Variants in RAPGEF6 observed in about 807,000 individuals in gnomAD.
RAPGEF6 encodes PDZ domain containing guanine nucleotide exchange factor (GEF) 2.
Under a neutral mutation model 171.4 loss-of-function variants are expected in RAPGEF6, and 56 were observed. The ratio of observed to expected loss-of-function variants is 0.33; its 90% CI spans 0.26 to 0.41. The LOEUF (loss-of-function observed/expected upper bound fraction) is 0.41. RAPGEF6 is among the 10% of genes least tolerant of loss of function. The pLI is 1.00. For missense variants in RAPGEF6, 1,674 were observed against 1,921.4 expected (o/e 0.87, Z 2.41); for synonymous variants, 692 against 650.1 (o/e 1.06, Z -0.98).
At chr5:131,515,470 T>C (rs1411189862) in intron 7 of RAPGEF6, among the ~76,000 whole-genome samples, 1 of 152,124 alleles carries the variant, frequency 6.6e-6, no homozygotes, top group Non-Finnish European at 1.5e-5. Flanking sequence ...TATAATTCAG[T>C]GCAAAAAAAG....
chr5:131,558,213 GT>G (rs1159039665), intron 5 of RAPGEF6, among the ~76,000 whole-genome samples: 1 of 145,422 alleles, frequency 6.9e-6, no homozygotes, highest in Non-Finnish European at 1.5e-5. Context: ...GTATATGCCA[GT>G]TTGGTTTTTT....
rs1751342458 is a variant in RAPGEF6, at chr5:131,425,174, C to CCTCA, written c.*2088_*2091dup. Reference sequence around the variant, plus strand: ...TAAGGTGCAAGTCCAAAACCATAGGCCTCAACACTCTGTGCAAGATATTTA... The same window carrying CCTCA: ...TAAGGTGCAAGTCCAAAACCATAGGCCTCACTCAACACTCTGTGCAAGATATTTA... On this transcript the variant is annotated 3_prime_UTR_variant, in exon 28 of 28. Coordinates refer to ENST00000509018, the MANE Select transcript of RAPGEF6 (RefSeq NM_016340.6). 6.6e-6 allele frequency: 1 copy of CCTCA among 152,238 alleles called. No individual in the cohort carries two copies. The highest frequency in any genetic ancestry group is 1.5e-5 in the Non-Finnish European group (1 of 68,004). The allele number at this position is 152,238 out of a possible 1,614,324, so 9.4% of individuals were successfully genotyped here.
intron 11 of RAPGEF6, among the ~76,000 whole-genome samples, chr5:131,500,765 C>T (rs889353468): frequency 6.6e-6 from 1 of 152,064 alleles, no homozygotes; most frequent in African/African-American, 2.4e-5. Flanking sequence ...CTGAAACTAT[C>T]GCCTTGTCTT....
chr5:131,578,718 G>A (rs920488904), intron 4 of RAPGEF6, among the ~76,000 whole-genome samples: 2 of 152,156 alleles, frequency 1.3e-5, no homozygotes, highest in African/African-American at 4.8e-5. Context: ...CCAGAACCCA[G>A]TCACGCACAT....
intron 5 of RAPGEF6, among the ~76,000 whole-genome samples, chr5:131,555,408 C>T (rs984616): frequency 0.62 from 87,058 of 139,732 alleles, 29,113 homozygotes; most frequent in Non-Finnish European, 0.76. Context: ...TTGGTAAATA[C>T]TTTTAAGAAA....
intron 19 of RAPGEF6, among the ~76,000 whole-genome samples, chr5:131,457,910 ATTGT>A (rs1404991990): frequency 6.6e-5 from 10 of 152,136 alleles, no homozygotes; most frequent in Non-Finnish European, 1.0e-4. Flanking sequence ...AGAAAATTAG[ATTGT>A]TTAACTCAAA....
chr5:131,431,419 T>C, intron 25 of RAPGEF6, 70 bp from the exon 26 acceptor site: 2 of 1,502,914 alleles, frequency 1.3e-6, no homozygotes, highest in Non-Finnish European at 1.8e-6. Context: ...TTCAAGTTAT[T>C]ATTGCCTGTG....
chr5:131,529,725 A>G (rs1759238469), intron 6 of RAPGEF6, among the ~76,000 whole-genome samples: 1 of 152,104 alleles, frequency 6.6e-6, no homozygotes, highest in Non-Finnish European at 1.5e-5. Flanking sequence ...AGCTTGGGCA[A>G]GATGGAGAGA....
chr5:131,581,338 C>A (rs1235727415), intron 4 of RAPGEF6, among the ~76,000 whole-genome samples: 1 of 152,230 alleles, frequency 6.6e-6, no homozygotes, highest in African/African-American at 2.4e-5. Context: ...CACCTGGCTA[C>A]TCTCTAACTG....
chr5:131,592,040 G>A (rs1376766311), intron 4 of RAPGEF6, among the ~76,000 whole-genome samples: 2 of 152,012 alleles, frequency 1.3e-5, no homozygotes, highest in Admixed American at 6.6e-5. Context: ...TATTTTAATA[G>A]AGACGGGGTT....
chr5:131,617,847 T>G (rs1203726198), intron 1 of RAPGEF6, among the ~76,000 whole-genome samples: 36 of 152,250 alleles, frequency 2.4e-4, no homozygotes, highest in Non-Finnish European at 2.9e-5. Context: ...TAAAGCATTT[T>G]GGAGATTTAA....
chr5:131,510,451 A>C lies in RAPGEF6; in HGVS notation c.668T>G (p.Leu223Arg). Residue 223 changes from leucine to arginine, a missense_variant, in exon 8 of 28, where the codon CTT becomes CGT. Transcript: ENST00000509018. Reference protein sequence around the residue: ...SEVGDVDLTRLPEGPVDSEDD... With the variant: ...SEVGDVDLTRRPEGPVDSEDD... ...CTCAGAATCAACAGGTCCTTCTGGA[A>C]GACGTGTCAAATCTACATCTCCTAC... 6.2e-7 allele frequency: 1 copy of C among 1,614,128 alleles called. No individual in the cohort carries two copies. Among genetic ancestry groups the C allele is most frequent in the East Asian group, 2.2e-5 (1 of 44,862 alleles).
chr5:131,612,201 ATTTTTTTTTTTTTT>A (rs35306366), intron 1 of RAPGEF6, among the ~76,000 whole-genome samples: 3 of 83,330 alleles, frequency 3.6e-5, no homozygotes, highest in African/African-American at 1.3e-4. Flanking sequence ...TGCTCAGCTA[ATTTTTTTTTTTTTT>A]TTTTTTTTTT....
intron 16 of RAPGEF6, among the ~76,000 whole-genome samples, chr5:131,475,162 G>A (rs771071245): frequency 1.3e-5 from 2 of 152,204 alleles, no homozygotes; most frequent in African/African-American, 2.4e-5. Context: ...GTGCATAAAT[G>A]AAAACTATAC....
intron 1 of RAPGEF6, among the ~76,000 whole-genome samples, chr5:131,625,588 G>A (rs575999465): frequency 2.0e-5 from 3 of 152,168 alleles, no homozygotes; most frequent in African/African-American, 4.8e-5. Context: ...GGCCGAGGTG[G>A]GTGGATCACG....
chr5:131,547,478 A>C (rs1760624790), intron 6 of RAPGEF6, among the ~76,000 whole-genome samples: 1 of 151,488 alleles, frequency 6.6e-6, no homozygotes, highest in Non-Finnish European at 1.5e-5. Flanking sequence ...GAAGCTATTC[A>C]CAATTAAAGA....
chr5:131,553,863 C>T (rs1478304713), intron 5 of RAPGEF6, among the ~76,000 whole-genome samples: 4 of 150,662 alleles, frequency 2.7e-5, no homozygotes, highest in South Asian at 2.1e-4. Context: ...ACTCAACATA[C>T]AGCACAAAGT....
chr5:131,546,471 G>A (rs1416469796), intron 6 of RAPGEF6, among the ~76,000 whole-genome samples: 1 of 152,072 alleles, frequency 6.6e-6, no homozygotes, highest in Non-Finnish European at 1.5e-5. Flanking sequence ...GGGCGTGGTG[G>A]CGGGCGCCTG....
In RAPGEF6 at chr5:131,431,095, G is replaced by A. The variant is rs1337309968; in HGVS notation, c.4229C>T (p.Pro1410Leu). The A allele has an allele frequency of 6.2e-7, 1 of 1,614,022 alleles. No individual in the cohort carries two copies. Among genetic ancestry groups the A allele is most frequent in the African/African-American group, 1.3e-5 (1 of 74,886 alleles). ...AGAGCAGCTTTTAGAACAGGAATAG[G>A]GCTCAGAGTCAGTGGGTTCAACTTC... ...IAEVEPTDSE[P>L]YSCSKSCSRT... Residue 1410 changes from proline to leucine, a missense_variant, in exon 26 of 28, where the codon CCC (proline) becomes CTC (leucine). Physicochemically the swap from Pro to Leu is moderately conservative, Grantham distance 98. Around this residue, in one of 3 missense-constraint regions of RAPGEF6, gnomAD observed 552 missense variants for 574.2 expected, o/e 0.96. Transcript: ENST00000509018.
Sources: allele counts gnomAD v4.1 joint callset (sites outside exome capture counted in the v4.1 genomes callset), GRCh38; gene constraint gnomAD v4.1.1; regional missense constraint gnomAD v4.1.1; transcripts MANE v1.5; gene names NCBI Gene and HGNC (gene_info 2026-07-23, HGNC 2026-07-21).